The following PPP2R2C variants were observed in gnomAD, a reference collection of about 807,000 sequenced individuals.
PPP2R2C encodes protein phosphatase 2, regulatory subunit B, gamma.
A neutral mutation model predicts 45.3 loss-of-function variants in PPP2R2C; 10 were observed. That is an observed-to-expected ratio of 0.22 (90% CI 0.14 to 0.37). The LOEUF (loss-of-function observed/expected upper bound fraction) is 0.37, where lower values mean the gene tolerates loss of function less well. PPP2R2C is among the 10% of genes least tolerant of loss of function. PPP2R2C has a pLI of 1.00. For synonymous variants in PPP2R2C, 257 were observed against 245.4 expected, an observed-to-expected ratio of 1.05 and a Z score of -0.44; for missense variants, 308 against 619.7, an observed-to-expected ratio of 0.50 and a Z score of 5.34.
intron 1 of PPP2R2C, among the ~76,000 whole-genome samples, chr4:6,464,113 T>C (rs1721470639): frequency 6.6e-6 from 1 of 152,124 alleles, no homozygotes; most frequent in Non-Finnish European, 1.5e-5. Context: ...CTCTGTAAAA[T>C]GGGGAAATAA....
chr4:6,426,802 G>A (rs2109402485), intron 1 of PPP2R2C, among the ~76,000 whole-genome samples: 1 of 152,314 alleles, frequency 6.6e-6, no homozygotes, highest in East Asian at 1.9e-4. Flanking sequence ...ACAGGGGCAG[G>A]TGAGGCTCTG....
intron 1 of PPP2R2C, among the ~76,000 whole-genome samples, chr4:6,397,755 T>G (rs752422871): frequency 6.6e-5 from 10 of 152,360 alleles, no homozygotes; most frequent in South Asian, 6.2e-4. Context: ...AAAATGGGCT[T>G]AATATTCACA....
chr4:6,360,067 G>T (rs966367640), intron 5 of PPP2R2C, among the ~76,000 whole-genome samples: 1 of 152,208 alleles, frequency 6.6e-6, no homozygotes, highest in South Asian at 2.1e-4. Flanking sequence ...TTGAGACATG[G>T]TAATAACCCC....
At chr4:6,559,755 G>A (rs538127240) in intron 1 of PPP2R2C, among the ~76,000 whole-genome samples, 3 of 152,314 alleles carry the variant, frequency 2.0e-5, no homozygotes, top group East Asian at 3.9e-4. Flanking sequence ...GGCACCATCC[G>A]TGAACCAGAA....
intron 1 of PPP2R2C, among the ~76,000 whole-genome samples, chr4:6,459,100 A>G (rs1366935789): frequency 6.6e-6 from 1 of 152,070 alleles, no homozygotes; most frequent in Non-Finnish European, 1.5e-5. Flanking sequence ...TCAAGCAGAA[A>G]CCATTTATTT....
intron 1 of PPP2R2C, among the ~76,000 whole-genome samples, chr4:6,406,478 C>T (rs1159879306): frequency 6.6e-6 from 1 of 152,214 alleles, no homozygotes; most frequent in African/African-American, 2.4e-5. Flanking sequence ...GCCTGTAATC[C>T]CAGCACTTTG....
rs372429753 is a variant in PPP2R2C at position 6,325,950 on chromosome 4, G to C, written c.1053-2357C>G. ...AGCTACTTGGGAGGCTGCGGCAGGA[G>C]AAGTGTTTGACTCCAGGAGGCGGAG... On this transcript the variant is annotated intron_variant, in intron 8 of 8. Coordinates refer to ENST00000382599, the MANE Select transcript of PPP2R2C (RefSeq NM_020416.4). 4.6e-5 allele frequency among the ~76,000 whole-genome samples: 7 copies of C among 152,346 alleles called. No homozygotes were observed. The East Asian group carries it at 1.4e-3, about 29-fold the overall frequency.
At chr4:6,381,373 C>T in intron 1 of PPP2R2C, 1 of 1,484,550 alleles carries the variant, frequency 6.7e-7, no homozygotes, top group Non-Finnish European at 9.0e-7. Context: ...TTTATAGTAA[C>T]TGGACACTCT....
chr4:6,327,746 C>T (rs897322923), intron 8 of PPP2R2C, among the ~76,000 whole-genome samples: 2 of 152,168 alleles, frequency 1.3e-5, no homozygotes, highest in African/African-American at 4.8e-5. Flanking sequence ...CCGGGTCGGG[C>T]CTCCATCCTG....
intron 2 of PPP2R2C, among the ~76,000 whole-genome samples, chr4:6,500,776 G>A (rs574778148): frequency 8.9e-4 from 135 of 152,216 alleles, no homozygotes; most frequent in Non-Finnish European, 1.3e-3. Flanking sequence ...CAGGATTAAC[G>A]GTTCAAACAC....
intron 5 of PPP2R2C, among the ~76,000 whole-genome samples, chr4:6,348,406 A>T (rs914502615): frequency 2.6e-5 from 4 of 151,844 alleles, no homozygotes; most frequent in Admixed American, 2.0e-4. Context: ...TATTGTGCCG[A>T]CTGCATGCTG....
chr4:6,414,359 G>A (rs34373521), intron 1 of PPP2R2C, among the ~76,000 whole-genome samples: 1,588 of 152,198 alleles, frequency 0.01, 12 homozygotes, highest in Middle Eastern at 0.068. Context: ...GTGCACGGTG[G>A]GCATTCTGTG....
chr4:6,551,445 G>A (rs1725181555), intron 1 of PPP2R2C, among the ~76,000 whole-genome samples: 1 of 152,192 alleles, frequency 6.6e-6, no homozygotes, highest in African/African-American at 2.4e-5. Context: ...AAAACTAGAG[G>A]TAAAGTGTTG....
intron 1 of PPP2R2C, among the ~76,000 whole-genome samples, chr4:6,451,084 C>T (rs1030483030): frequency 8.5e-5 from 13 of 152,192 alleles, no homozygotes; most frequent in African/African-American, 3.1e-4. Context: ...GCTGGTCAGG[C>T]GATGCTCTGG....
intron 1 of PPP2R2C, among the ~76,000 whole-genome samples, chr4:6,551,248 C>A (rs1725176049): frequency 6.6e-6 from 1 of 152,196 alleles, no homozygotes; most frequent in Non-Finnish European, 1.5e-5. Flanking sequence ...TGGCAAGTCA[C>A]GAGTGCTCAT....
chr4:6,468,286 G>A (rs985458785), intron 1 of PPP2R2C, among the ~76,000 whole-genome samples: 25 of 152,226 alleles, frequency 1.6e-4, no homozygotes, highest in Non-Finnish European at 2.4e-4. Flanking sequence ...TGCCTGCTGC[G>A]TTCAGACAGC....
chr4:6,470,888 C>G (rs891703340), intron 1 of PPP2R2C, among the ~76,000 whole-genome samples: 4 of 151,940 alleles, frequency 2.6e-5, no homozygotes, highest in African/African-American at 9.7e-5. Context: ...GGCGCGGCCC[C>G]CGCAGCCTCC....
intron 1 of PPP2R2C, 53 bp from the exon 2 acceptor site, chr4:6,381,147 C>T (rs1215130709): frequency 1.3e-6 from 2 of 1,553,440 alleles, no homozygotes; most frequent in African/African-American, 2.7e-5. Context: ...CCCGCCTCTC[C>T]CGGGTGCTCA....
At chr4:6,403,908 G>A (rs900500213) in intron 1 of PPP2R2C, among the ~76,000 whole-genome samples, 2 of 151,692 alleles carry the variant, frequency 1.3e-5, no homozygotes, top group African/African-American at 2.4e-5. Context: ...CTGCCTGACA[G>A]GGATACACTG....
Sources: allele counts gnomAD v4.1 joint callset (sites outside exome capture counted in the v4.1 genomes callset), GRCh38; gene constraint gnomAD v4.1.1; transcripts MANE v1.5; gene names NCBI Gene and HGNC (gene_info 2026-07-23, HGNC 2026-07-21).